Variants in ASAP1 observed in about 807,000 individuals in gnomAD.
ASAP1 encodes arf-GAP with SH3 domain, ANK repeat and PH domain-containing protein 1.
In ASAP1, 43 loss-of-function variants were observed where a neutral mutation model predicts 145.2. The ratio of observed to expected loss-of-function variants is 0.30; its 90% CI spans 0.23 to 0.38. ASAP1 has a LOEUF of 0.38. Ranked by LOEUF, ASAP1 falls within the 10% of genes least tolerant of loss-of-function variation. The pLI, the probability that ASAP1 is intolerant of heterozygous loss-of-function variation, is 1.00. For missense variants in ASAP1, 1,018 were observed against 1,355.3 expected, an observed-to-expected ratio of 0.75 and a Z score of 3.91; for synonymous variants, 546 against 515.5, an observed-to-expected ratio of 1.06 and a Z score of -0.80.
chr8:130,259,425 C>A (rs984950722), intron 3 of ASAP1, among the ~76,000 whole-genome samples: 10 of 152,116 alleles, frequency 6.6e-5, no homozygotes. Context: ...CCTTGCCAGG[C>A]CTCTTTTGTG....
At chr8:130,335,262 T>C (rs79894749) in intron 3 of ASAP1, among the ~76,000 whole-genome samples, 3,089 of 152,338 alleles carry the variant, frequency 0.02, 100 homozygotes, top group African/African-American at 0.069. Context: ...ATGCCGATCA[T>C]GCAACAGACC....
intron 4 of ASAP1, among the ~76,000 whole-genome samples, chr8:130,222,942 G>A (rs16904220): frequency 0.08 from 12,217 of 152,162 alleles, 525 homozygotes; most frequent in African/African-American, 0.091. Flanking sequence ...CCAAGTGATT[G>A]AGAAACCTGA....
chr8:130,136,260 C>G (rs915375020), intron 14 of ASAP1, among the ~76,000 whole-genome samples: 18 of 152,146 alleles, frequency 1.2e-4, no homozygotes, highest in Non-Finnish European at 2.1e-4. Flanking sequence ...TCTTTACACA[C>G]TATGAGGGCA....
At chr8:130,069,800 A>G (rs182786185) in intron 27 of ASAP1, 4 of 152,366 alleles carry the variant, frequency 2.6e-5, no homozygotes, top group Admixed American at 6.5e-5. Context: ...ACAATGAAAC[A>G]TATGATATGA....
At chr8:130,349,599 C>G (rs72724454) in intron 3 of ASAP1, among the ~76,000 whole-genome samples, 5,251 of 152,242 alleles carry the variant, frequency 0.034, 124 homozygotes, top group Middle Eastern at 0.065. Flanking sequence ...TTAACCTTGG[C>G]AAGAGAATTT....
At chr8:130,136,530 C>T (rs1288450449) in intron 14 of ASAP1, among the ~76,000 whole-genome samples, 1 of 150,618 alleles carries the variant, frequency 6.6e-6, no homozygotes, top group Non-Finnish European at 1.5e-5. Flanking sequence ...TGCTTCTTAA[C>T]CACAGGTGCA....
chr8:130,062,934 T>C (rs1027140638), intron 27 of ASAP1, among the ~76,000 whole-genome samples: 6 of 152,028 alleles, frequency 3.9e-5, no homozygotes, highest in African/African-American at 9.7e-5. Context: ...GACGGTGCCA[T>C]TGCACTCCAG....
At chr8:130,108,553 C>T (rs2097541321) in intron 24 of ASAP1, among the ~76,000 whole-genome samples, 2 of 152,014 alleles carry the variant, frequency 1.3e-5, no homozygotes, top group South Asian at 4.1e-4. Context: ...AATCTTGGCA[C>T]TTTGGGAGGC....
At chr8:130,222,454 A>G (rs1473540868) in intron 4 of ASAP1, among the ~76,000 whole-genome samples, 1 of 152,220 alleles carries the variant, frequency 6.6e-6, no homozygotes, top group Non-Finnish European at 1.5e-5. Flanking sequence ...TGCTTTATAG[A>G]TAAGAAAAAT....
intron 1 of ASAP1, among the ~76,000 whole-genome samples, chr8:130,409,135 G>A (rs188999728): frequency 6.2e-4 from 95 of 152,200 alleles, no homozygotes; most frequent in East Asian, 3.3e-3. Flanking sequence ...GGTGGCAGGC[G>A]CCTGTAGTCC....
At chr8:130,166,407 G>A (rs1312079961) in intron 11 of ASAP1, among the ~76,000 whole-genome samples, 5 of 152,012 alleles carry the variant, frequency 3.3e-5, no homozygotes, top group Admixed American at 1.3e-4. Context: ...TGAAGTCTAC[G>A]TCCCTTAGTA....
At chr8:130,442,160 G>A (rs773234278) in intron 1 of ASAP1, among the ~76,000 whole-genome samples, 6 of 152,146 alleles carry the variant, frequency 3.9e-5, no homozygotes, top group Non-Finnish European at 7.3e-5. Context: ...AGCATTAACA[G>A]GACAGAAGAG....
At chr8:130,169,795 A>G (rs1813455326) in intron 9 of ASAP1, among the ~76,000 whole-genome samples, 1 of 152,236 alleles carries the variant, frequency 6.6e-6, no homozygotes, top group African/African-American at 2.4e-5. Context: ...ACTGAGGTAC[A>G]GAGTATGTAT....
chr8:130,270,559 C>A (rs1014686167), intron 3 of ASAP1, among the ~76,000 whole-genome samples: 1 of 152,214 alleles, frequency 6.6e-6, no homozygotes, highest in Non-Finnish European at 1.5e-5. Flanking sequence ...GCTCTATGTT[C>A]ATAGAAACTG....
At chr8:130,317,325 A>G (rs1823725316) in intron 3 of ASAP1, among the ~76,000 whole-genome samples, 1 of 152,186 alleles carries the variant, frequency 6.6e-6, no homozygotes. Context: ...CTCCCTTCTC[A>G]GCCAAAATTG....
intron 5 of ASAP1, among the ~76,000 whole-genome samples, chr8:130,204,428 G>A (rs1464652955): frequency 6.6e-6 from 1 of 152,100 alleles, no homozygotes; most frequent in African/African-American, 2.4e-5. Context: ...CTCAGTTTGT[G>A]AGCTCTTAAA....
intron 2 of ASAP1, among the ~76,000 whole-genome samples, chr8:130,391,001 A>C (rs1451030490): frequency 6.6e-6 from 1 of 151,188 alleles, no homozygotes; most frequent in African/African-American, 2.4e-5. Flanking sequence ...TAGCAGCATA[A>C]TTCATAACAA....
intron 5 of ASAP1, among the ~76,000 whole-genome samples, chr8:130,198,674 G>C (rs969847356): frequency 1.3e-5 from 2 of 152,184 alleles, no homozygotes; most frequent in African/African-American, 4.8e-5. Flanking sequence ...GGTTAACGAG[G>C]AAACAGGCTT....
At chr8:130,181,583 A>T (rs1435958415) in intron 7 of ASAP1, among the ~76,000 whole-genome samples, 1 of 152,218 alleles carries the variant, frequency 6.6e-6, no homozygotes, top group African/African-American at 2.4e-5. Context: ...ATACATTTTA[A>T]TCAGTCAACC....
Sources: allele counts gnomAD v4.1 joint callset (sites outside exome capture counted in the v4.1 genomes callset), GRCh38; gene constraint gnomAD v4.1.1; transcripts MANE v1.5; gene names NCBI Gene and HGNC (gene_info 2026-07-23, HGNC 2026-07-21).